GARNL3: variants seen among roughly 807,000 people sequenced by gnomAD.
The protein encoded by GARNL3 is GTPase activating Rap/RanGAP domain like 3, also known as GTPase-activating Rap/Ran-GAP domain-like protein 3.
In GARNL3, 63 loss-of-function variants were observed where a neutral mutation model predicts 125.0. The observed-to-expected ratio is 0.50, with a 90% confidence interval of 0.41 to 0.62. The LOEUF is 0.62. Ranked by LOEUF, GARNL3 falls within the 20% of genes least tolerant of loss-of-function variation. GARNL3 has a pLI of 0.00. For synonymous variants in GARNL3, 439 were observed against 457.5 expected, an observed-to-expected ratio of 0.96 and a Z score of 0.52; for missense variants, 994 against 1,244.0, an observed-to-expected ratio of 0.80 and a Z score of 3.02.
intron 27 of GARNL3, among the ~76,000 whole-genome samples, chr9:127,391,056 G>A (rs534612934): frequency 7.9e-5 from 12 of 152,172 alleles, no homozygotes; most frequent in African/African-American, 2.2e-4. Context: ...AGGCCAAGGC[G>A]GGCAGATCAC....
chr9:127,277,130 A>G (rs2063977500), intron 1 of GARNL3, among the ~76,000 whole-genome samples: 1 of 152,192 alleles, frequency 6.6e-6, no homozygotes, highest in African/African-American at 2.4e-5. Context: ...GTTTGTTTAA[A>G]ACCCGTGTTC....
chr9:127,254,173 G>A (rs12380157), intron 2 of GARNL3, among the ~76,000 whole-genome samples: 4,511 of 152,204 alleles, frequency 0.03, 111 homozygotes, highest in Non-Finnish European at 0.043. Flanking sequence ...TCCCATTCCC[G>A]AAGATTCTAA....
At chr9:127,239,303 A>T (rs1007926607) in intron 1 of GARNL3, among the ~76,000 whole-genome samples, 2 of 152,192 alleles carry the variant, frequency 1.3e-5, no homozygotes, top group Non-Finnish European at 2.9e-5. Flanking sequence ...CTTTCTCATT[A>T]GAAAGCTGGG....
chr9:127,333,538 A>T (rs1829381281), intron 9 of GARNL3, among the ~76,000 whole-genome samples: 1 of 152,224 alleles, frequency 6.6e-6, no homozygotes, highest in Admixed American at 6.5e-5. Context: ...GAGAAGAAAA[A>T]GTACAGAGTG....
At chr9:127,225,946 G>A (rs1353254851) in intron 1 of GARNL3, among the ~76,000 whole-genome samples, 1 of 152,148 alleles carries the variant, frequency 6.6e-6, no homozygotes, top group Admixed American at 6.5e-5. Flanking sequence ...CCGGGCGCGT[G>A]CCCTCCCTCA....
chr9:127,240,149 G>A (rs1366170524), intron 1 of GARNL3, among the ~76,000 whole-genome samples: 1 of 152,140 alleles, frequency 6.6e-6, no homozygotes, highest in Non-Finnish European at 1.5e-5. Flanking sequence ...ATTGCATAAA[G>A]GTTTGCAGAT....
intron 19 of GARNL3, 31 bp downstream of exon 19, chr9:127,354,441 AT>A (rs749916316): frequency 1.5e-6 from 2 of 1,311,848 alleles, no homozygotes; most frequent in Admixed American, 4.1e-5. Context: ...ATTCCATTCG[AT>A]TCGTTTTTTT....
intron 1 of GARNL3, among the ~76,000 whole-genome samples, chr9:127,233,706 G>A (rs182788001): frequency 1.0e-3 from 152 of 152,282 alleles, no homozygotes; most frequent in Non-Finnish European, 1.8e-3. Flanking sequence ...TCTGTGCATG[G>A]TGGTTTCCTT....
Position 127,392,319 on chromosome 9 carries a change from G to A in GARNL3, c.2871-764G>A, listed in dbSNP as rs563537547. Reference sequence around the variant, plus strand: ...CTACAAGAAATTGAGAAGAAGTGACGGGGCTGGCACATAGAAGGTCTACTC... The same window carrying A: ...CTACAAGAAATTGAGAAGAAGTGACAGGGCTGGCACATAGAAGGTCTACTC... On this transcript the variant is annotated intron_variant, in intron 27 of 27. Transcript: ENST00000373387. This position sits in a 1 kb window ranked among gnomAD's most constrained non-coding sequence, Gnocchi z 5.2. 7.9e-5 allele frequency among the ~76,000 whole-genome samples: 12 copies of A among 152,232 alleles called. No individual in the cohort carries two copies. The highest frequency in any genetic ancestry group is 1.0e-4 in the Non-Finnish European group (7 of 68,040).
chr9:127,365,135 A>G, intron 21 of GARNL3, 165 bp from the exon 22 acceptor site: 1 of 620,822 alleles, frequency 1.6e-6, no homozygotes, highest in Non-Finnish European at 2.9e-6. Flanking sequence ...TTGTATTATA[A>G]TCCCAGCCCC....
chr9:127,334,279 C>T (rs1217239175), intron 9 of GARNL3, among the ~76,000 whole-genome samples: 8 of 152,150 alleles, frequency 5.3e-5, no homozygotes, highest in Admixed American at 1.3e-4. Flanking sequence ...CCCTTTGTTT[C>T]TGTTTTTTTG....
At chr9:127,366,906 C>T (rs1460280372) in intron 22 of GARNL3, 2 of 152,156 alleles carry the variant, frequency 1.3e-5, no homozygotes, top group Non-Finnish European at 2.9e-5. Flanking sequence ...CTTCCGGCTT[C>T]AGGCTCTGAC....
intron 1 of GARNL3, among the ~76,000 whole-genome samples, chr9:127,236,969 C>T (rs181663458): frequency 1.3e-5 from 2 of 152,270 alleles, no homozygotes; most frequent in African/African-American, 4.8e-5. Flanking sequence ...TCCAATCTGA[C>T]AGACACTAAA....
rs1471754169 is a variant in GARNL3 at position 127,336,170 on chromosome 9, G to A, written c.916G>A (p.Val306Met). 6 of 1,613,954 alleles carry A rather than the reference G, an allele frequency of 3.7e-6. No homozygotes were observed. The highest frequency in any genetic ancestry group is 2.5e-6 in the Non-Finnish European group (3 of 1,179,968). Reference sequence around the variant, plus strand: ...CATTGGAAACGATATCGTCACCATTGTGTTCCAAGAAGGAGAGGAATCTTC... The same window carrying A: ...CATTGGAAACGATATCGTCACCATTATGTTCCAAGAAGGAGAGGAATCTTC... ...RHIGNDIVTIVFQEGEESSPA... is the reference protein window; with the variant it reads ...RHIGNDIVTIMFQEGEESSPA... The change falls in exon 11 of 28, where the codon GTG becomes ATG. Residue 306 changes from valine (V) to methionine (M), a missense_variant. By Grantham distance (21) the Val-to-Met change is conservative. Around this residue, in one of 5 missense-constraint regions of GARNL3, gnomAD observed 19 missense variants for 46.4 expected, o/e 0.41. Coordinates refer to ENST00000373387, the MANE Select transcript of GARNL3 (RefSeq NM_032293.5).
At chr9:127,281,486 A>G (rs753425273) in intron 1 of GARNL3, among the ~76,000 whole-genome samples, 7 of 152,122 alleles carry the variant, frequency 4.6e-5, no homozygotes, top group East Asian at 1.9e-4. Context: ...GGTTGGTTCT[A>G]TATGCGCCAT....
At chr9:127,321,633 G>A (rs1316693225) in intron 6 of GARNL3, among the ~76,000 whole-genome samples, 4 of 152,174 alleles carry the variant, frequency 2.6e-5, no homozygotes, top group African/African-American at 7.2e-5. Flanking sequence ...TCAGAAAAAT[G>A]TCAACCAAAC....
chr9:127,244,380 A>G (rs1186277534), intron 2 of GARNL3, among the ~76,000 whole-genome samples: 3 of 152,226 alleles, frequency 2.0e-5, no homozygotes, highest in Non-Finnish European at 4.4e-5. Context: ...GATGCCACAA[A>G]GCAAAGGCTC....
At chr9:127,283,523 A>T (rs1308426416) in intron 1 of GARNL3, among the ~76,000 whole-genome samples, 1 of 152,174 alleles carries the variant, frequency 6.6e-6, no homozygotes, top group African/African-American at 2.4e-5. Context: ...ATAAAAAAGT[A>T]GCCAAGCGTG....
chr9:127,313,575 A>C lies in GARNL3; in HGVS notation c.438+16A>C. On this transcript the variant is annotated intron_variant, in intron 4 of 27. Coordinates refer to ENST00000373387, the MANE Select transcript of GARNL3 (RefSeq NM_032293.5). Reference sequence around the variant, plus strand: ...GAGAAAAACAGTAAGTATATGGCTCACACTTGAAGCAAAATTTATGCATCA... The same window carrying C: ...GAGAAAAACAGTAAGTATATGGCTCCCACTTGAAGCAAAATTTATGCATCA... 1 of 1,524,038 alleles carries C rather than the reference A, an allele frequency of 6.6e-7. No homozygotes were observed. The highest frequency in any genetic ancestry group is 1.1e-5 in the South Asian group (1 of 89,160). The allele number at this position is 1,524,038 out of a possible 1,614,324, so 94.4% of individuals were successfully genotyped here.
Sources: gnomAD v4.1 joint callset for allele counts (sites outside exome capture counted in the v4.1 genomes callset) on GRCh38, gnomAD v4.1.1 for gene constraint, gnomAD v4.1.1 regional missense constraint, Gnocchi (gnomAD v3.1) non-coding constraint, MANE v1.5 for transcripts, NCBI Gene and HGNC (gene_info 2026-07-23, HGNC 2026-07-21) for gene names.